SLC2A13: variants seen among roughly 807,000 people sequenced by gnomAD.
SLC2A13 encodes solute carrier family 2 member 13.
SLC2A13 carries 32 observed loss-of-function variants against 64.4 expected under a neutral mutation model. The ratio of observed to expected loss-of-function variants is 0.50; its 90% confidence interval spans 0.37 to 0.67. SLC2A13 has a LOEUF of 0.67. Among genes scored for constraint, SLC2A13 ranks in the 30% least tolerant of loss-of-function variants. The pLI is 0.00. For missense variants in SLC2A13, 743 were observed against 829.2 expected, an observed-to-expected ratio of 0.90 and a Z score of 1.28; for synonymous variants, 338 against 327.1, an observed-to-expected ratio of 1.03 and a Z score of -0.36.
chr12:39,982,975 C>G (rs2136152121), intron 3 of SLC2A13, among the ~76,000 whole-genome samples: 1 of 142,692 alleles, frequency 7.0e-6, no homozygotes, highest in African/African-American at 2.5e-5. Context: ...GGTACCAAAA[C>G]AGAGATATAG....
At chr12:40,006,666 A>C (rs1231800117) in intron 3 of SLC2A13, among the ~76,000 whole-genome samples, 1 of 152,210 alleles carries the variant, frequency 6.6e-6, no homozygotes, top group Non-Finnish European at 1.5e-5. Flanking sequence ...AGGTCTCCAT[A>C]TCAGAAGTGC....
At chr12:40,074,166 A>ATTTTT (rs34071336) in intron 1 of SLC2A13, among the ~76,000 whole-genome samples, 2 of 121,856 alleles carry the variant, frequency 1.6e-5, no homozygotes, top group Non-Finnish European at 1.8e-5. Flanking sequence ...CATCAAAGAC[A>ATTTTT]TTTTTTTTTT....
intron 4 of SLC2A13, among the ~76,000 whole-genome samples, chr12:39,895,578 A>G (rs1363877214): frequency 2.1e-5 from 3 of 142,858 alleles, no homozygotes; most frequent in African/African-American, 5.2e-5. Context: ...GTGTATATGT[A>G]TATGTGTATA....
intron 4 of SLC2A13, among the ~76,000 whole-genome samples, chr12:39,908,760 G>C (rs1315771415): frequency 6.6e-6 from 1 of 151,974 alleles, no homozygotes; most frequent in Non-Finnish European, 1.5e-5. Flanking sequence ...CACAATTACT[G>C]TCAGGTCTTG....
intron 1 of SLC2A13, among the ~76,000 whole-genome samples, chr12:40,059,206 T>A (rs1948379210): frequency 6.6e-6 from 1 of 152,192 alleles, no homozygotes; most frequent in Non-Finnish European, 1.5e-5. Context: ...CATTGTCTTA[T>A]CCCTTTTTAT....
At chr12:40,065,294 T>G (rs549705550) in intron 1 of SLC2A13, among the ~76,000 whole-genome samples, 1 of 152,262 alleles carries the variant, frequency 6.6e-6, no homozygotes, top group African/African-American at 2.4e-5. Flanking sequence ...TAAACTATTG[T>G]TGCCAGGCAT....
At chr12:39,836,017 T>A (rs1366154160) in intron 6 of SLC2A13, among the ~76,000 whole-genome samples, 3 of 152,120 alleles carry the variant, frequency 2.0e-5, no homozygotes, top group African/African-American at 7.2e-5. Flanking sequence ...TAACTCACTT[T>A]CAGAAAGCAA....
At chr12:40,079,251 T>C (rs1414134016) in intron 1 of SLC2A13, among the ~76,000 whole-genome samples, 1 of 152,222 alleles carries the variant, frequency 6.6e-6, no homozygotes, top group Non-Finnish European at 1.5e-5. Context: ...TGTAAGCATT[T>C]AGCACTATAA....
intron 1 of SLC2A13, among the ~76,000 whole-genome samples, chr12:40,058,070 TAGATAGATAGATAGATA>T (rs1948361340): frequency 6.6e-6 from 1 of 150,834 alleles, no homozygotes; most frequent in Non-Finnish European, 1.5e-5. Flanking sequence ...GATAGATAGA[TAGATAGATAGATAGATA>T]GATTGATTTA....
chr12:39,941,849 G>A (rs1946033100), intron 4 of SLC2A13, among the ~76,000 whole-genome samples: 1 of 152,096 alleles, frequency 6.6e-6, no homozygotes, highest in Non-Finnish European at 1.5e-5. Flanking sequence ...TTCAGGTCTT[G>A]GGTTTAAGTC....
intron 4 of SLC2A13, among the ~76,000 whole-genome samples, chr12:39,889,774 C>CA (rs1944558247): frequency 6.6e-6 from 1 of 152,084 alleles, no homozygotes; most frequent in African/African-American, 2.4e-5. Flanking sequence ...TCGTGATCTG[C>CA]CCGCCTTGGC....
intron 4 of SLC2A13, among the ~76,000 whole-genome samples, chr12:39,890,609 T>A (rs1944581843): frequency 6.6e-6 from 1 of 152,216 alleles, no homozygotes; most frequent in South Asian, 2.1e-4. Context: ...TTTGTGGGAT[T>A]TTTTTCATTT....
chr12:39,805,466 C>A (rs1941948872), intron 7 of SLC2A13, among the ~76,000 whole-genome samples: 1 of 151,500 alleles, frequency 6.6e-6, no homozygotes, highest in Admixed American at 6.6e-5. Context: ...AATGACAAAT[C>A]TTTCCAGCCT....
chr12:39,909,266 T>A (rs990232653), intron 4 of SLC2A13, among the ~76,000 whole-genome samples: 3 of 152,134 alleles, frequency 2.0e-5, no homozygotes, highest in Admixed American at 1.3e-4. Context: ...TCATTTCTTA[T>A]TTCTAAATTC....
chr12:39,951,375 G>GAA lies in SLC2A13; in HGVS notation c.926-12_926-11dup. On this transcript the variant is annotated splice_polypyrimidine_tract_variant and intron_variant, in intron 3 of 9. Transcript: ENST00000280871. Reference sequence around the variant, plus strand: ...CAGATCACAGGTCCAGCTTTTTTAAGAAAGAAAGAAAAAAAAAATACAACT... The same window carrying GAA: ...CAGATCACAGGTCCAGCTTTTTTAAGAAAAAGAAAGAAAAAAAAAATACAACT... 1.4e-6 allele frequency: 2 copies of GAA among 1,455,154 alleles called. No individual in the cohort carries two copies. Among genetic ancestry groups the GAA allele is most frequent in the Non-Finnish European group, 1.8e-6 (2 of 1,100,398 alleles). The allele number at this position is 1,455,154 out of a possible 1,614,324, so 90.1% of individuals were successfully genotyped here.
intron 4 of SLC2A13, among the ~76,000 whole-genome samples, chr12:39,872,985 T>C (rs1248132037): frequency 4.6e-5 from 7 of 152,226 alleles, no homozygotes; most frequent in Non-Finnish European, 1.5e-5. Context: ...TATTTATCAA[T>C]ACCTTCATAA....
chr12:39,788,606 C>T (rs1157298221), intron 7 of SLC2A13: 2 of 152,070 alleles, frequency 1.3e-5, no homozygotes, highest in Admixed American at 6.6e-5. Flanking sequence ...AACTGTGGAA[C>T]GAGAAACCAT....
chr12:40,035,873 C>T (rs11564124), intron 2 of SLC2A13, among the ~76,000 whole-genome samples: 1 of 152,144 alleles, frequency 6.6e-6, no homozygotes, highest in African/African-American at 2.4e-5. Context: ...AATGTGATAT[C>T]GTTGAAATCA....
intron 7 of SLC2A13, among the ~76,000 whole-genome samples, chr12:39,775,375 C>T (rs1172667941): frequency 5.3e-5 from 8 of 152,214 alleles, no homozygotes; most frequent in African/African-American, 1.7e-4. Flanking sequence ...AAATCCAGGA[C>T]ATGAGGATGT....
Sources: gnomAD v4.1 joint callset for allele counts (sites outside exome capture counted in the v4.1 genomes callset) on GRCh38, gnomAD v4.1.1 for gene constraint, MANE v1.5 for transcripts, NCBI Gene and HGNC (gene_info 2026-07-23, HGNC 2026-07-21) for gene names.